The following MAMDC2 variants were observed in gnomAD, a reference collection of about 807,000 sequenced individuals.
MAMDC2 encodes the protein MAM domain containing 2, also known as MAM domain-containing protein 2.
MAMDC2 carries 57 observed loss-of-function variants against 89.8 expected under a neutral mutation model. The observed-to-expected ratio is 0.63, with a 90% confidence interval of 0.51 to 0.79. The LOEUF is 0.79. MAMDC2 is among the 30% of genes least tolerant of loss of function. The pLI, the probability that MAMDC2 is intolerant of heterozygous loss-of-function variation, is 0.00. For missense variants in MAMDC2, 800 were observed against 820.6 expected (o/e 0.97, Z 0.31); for synonymous variants, 313 against 293.4 (o/e 1.07, Z -0.68).
chr9:70,076,194 G>A (rs747703340), intron 2 of MAMDC2, among the ~76,000 whole-genome samples: 2 of 152,142 alleles, frequency 1.3e-5, no homozygotes, highest in African/African-American at 2.4e-5. Flanking sequence ...AGGCTGAGGC[G>A]GGCAGATCAC....
intron 11 of MAMDC2, among the ~76,000 whole-genome samples, chr9:70,178,317 CAG>C (rs1156918096): frequency 6.6e-6 from 1 of 152,054 alleles, no homozygotes; most frequent in African/African-American, 2.4e-5. Flanking sequence ...GTGGAAGGGG[CAG>C]AGAGAGGGTA....
intron 2 of MAMDC2, among the ~76,000 whole-genome samples, chr9:70,096,853 A>G (rs1327697384): frequency 6.6e-6 from 1 of 152,176 alleles, no homozygotes; most frequent in African/African-American, 2.4e-5. Context: ...AGGAATCCAG[A>G]GGAAAAGAAC....
intron 5 of MAMDC2, among the ~76,000 whole-genome samples, chr9:70,117,513 G>A (rs922637823): frequency 2.0e-5 from 3 of 152,026 alleles, no homozygotes; most frequent in Non-Finnish European, 2.9e-5. Flanking sequence ...TGTAGATGAT[G>A]GGTTGATGGG....
At chr9:70,158,590 G>A (rs2031850366) in intron 9 of MAMDC2, among the ~76,000 whole-genome samples, 1 of 151,612 alleles carries the variant, frequency 6.6e-6, no homozygotes, top group Non-Finnish European at 1.5e-5. Context: ...ACATATTAAT[G>A]TTTTCTAAAG....
At chr9:70,067,764 A>G (rs548090729) in intron 2 of MAMDC2, among the ~76,000 whole-genome samples, 1 of 152,318 alleles carries the variant, frequency 6.6e-6, no homozygotes, top group South Asian at 2.1e-4. Flanking sequence ...GTTTATGAGG[A>G]AAACATCTCT....
At chr9:70,159,006 T>C (rs2031865264) in intron 9 of MAMDC2, among the ~76,000 whole-genome samples, 1 of 151,586 alleles carries the variant, frequency 6.6e-6, no homozygotes, top group South Asian at 2.1e-4. Context: ...AGTGTATGAC[T>C]GTATATGTAT....
At chr9:70,157,169 T>C (rs1304894766) in intron 9 of MAMDC2, among the ~76,000 whole-genome samples, 1 of 152,222 alleles carries the variant, frequency 6.6e-6, no homozygotes, top group Non-Finnish European at 1.5e-5. Flanking sequence ...ACTTCCAAAC[T>C]TCTATCTTGT....
chr9:70,069,118 G>A (rs12685939), intron 2 of MAMDC2, among the ~76,000 whole-genome samples: 17,589 of 152,154 alleles, frequency 0.12, 1,238 homozygotes, highest in East Asian at 0.21. Context: ...GAGGAAACCC[G>A]AGATTCAGCC....
chr9:70,223,392 C>T (rs4744993), intron 12 of MAMDC2, among the ~76,000 whole-genome samples: 131,625 of 152,162 alleles, frequency 0.87, 57,084 homozygotes, highest in East Asian at 0.96. Flanking sequence ...ATATACCTGT[C>T]GGGCACAAAC....
chr9:70,141,622 A>G (rs905369493), intron 8 of MAMDC2, among the ~76,000 whole-genome samples: 1 of 152,248 alleles, frequency 6.6e-6, no homozygotes, highest in Non-Finnish European at 1.5e-5. Context: ...TACAAATTTT[A>G]TTTAATATTT....
At chr9:70,050,789 A>G (rs1460685234) in intron 2 of MAMDC2, among the ~76,000 whole-genome samples, 2 of 152,188 alleles carry the variant, frequency 1.3e-5, no homozygotes, top group African/African-American at 4.8e-5. Flanking sequence ...CATTCCAACC[A>G]GAGAAAGAAC....
chr9:70,218,231 C>T (rs1011007996), intron 11 of MAMDC2, 106 bp from the exon 12 acceptor site: 7 of 1,276,124 alleles, frequency 5.5e-6, no homozygotes, highest in Non-Finnish European at 7.5e-6. Context: ...TTTATCAGTA[C>T]TTTTAGTCAG....
chr9:70,090,459 G>T (rs1277762807), intron 2 of MAMDC2: 1 of 148,370 alleles, frequency 6.7e-6, no homozygotes, highest in African/African-American at 2.6e-5. Context: ...AATCCAGCCT[G>T]GGTGACAGAG....
chr9:70,185,577 C>T (rs540304118), intron 11 of MAMDC2, among the ~76,000 whole-genome samples: 22 of 152,314 alleles, frequency 1.4e-4, no homozygotes, highest in African/African-American at 4.6e-4. Context: ...TTCAGAGATC[C>T]TGCCCAGTGA....
At chr9:70,060,098 CTTGTGGA>C (rs1409066809) in intron 2 of MAMDC2, among the ~76,000 whole-genome samples, 1 of 152,128 alleles carries the variant, frequency 6.6e-6, no homozygotes, top group East Asian at 1.9e-4. Flanking sequence ...TGATATTTTT[CTTGTGGA>C]TTTAATTATT....
chr9:70,168,166 A>C (rs1446822359), intron 9 of MAMDC2, among the ~76,000 whole-genome samples: 1 of 152,186 alleles, frequency 6.6e-6, no homozygotes, highest in African/African-American at 2.4e-5. Flanking sequence ...ATTAGTATGC[A>C]CAATATATCG....
chr9:70,110,515 G>T (rs918743567), intron 4 of MAMDC2, among the ~76,000 whole-genome samples: 3 of 152,142 alleles, frequency 2.0e-5, no homozygotes, highest in Non-Finnish European at 4.4e-5. Context: ...GGAAGGCAAG[G>T]GTTCTCCATG....
At chr9:70,132,518 G>A (rs1034828660) in intron 7 of MAMDC2, among the ~76,000 whole-genome samples, 25 of 132,270 alleles carry the variant, frequency 1.9e-4, no homozygotes, top group African/African-American at 4.0e-4. Flanking sequence ...TCTGCAAATC[G>A]GGGGACTAAG....
chr9:70,215,035 C>T (rs1462041497), intron 11 of MAMDC2, among the ~76,000 whole-genome samples: 1 of 152,012 alleles, frequency 6.6e-6, no homozygotes, highest in African/African-American at 2.4e-5. Flanking sequence ...TATTTAAAGC[C>T]CTGAAACAAG....
Sources: allele counts gnomAD v4.1 joint callset (sites outside exome capture counted in the v4.1 genomes callset), GRCh38; gene constraint gnomAD v4.1.1; transcripts MANE v1.5; gene names NCBI Gene and HGNC (gene_info 2026-07-23, HGNC 2026-07-21).